The following CRISPLD2 variants were observed in gnomAD, a reference collection of about 807,000 sequenced individuals.
CRISPLD2 encodes cysteine-rich secretory protein LCCL domain-containing 2.
A neutral mutation model predicts 71.1 loss-of-function variants in CRISPLD2; 47 were observed. That is an observed-to-expected ratio of 0.66 (90% CI 0.52 to 0.84). The LOEUF is 0.84. Among genes scored for constraint, CRISPLD2 ranks in the 40% least tolerant of loss-of-function variants. The probability of loss-of-function intolerance (pLI) is 0.00; values close to 1 mark genes in which losing one functional copy is unlikely to be tolerated. For synonymous variants in CRISPLD2, 317 were observed against 250.1 expected (o/e 1.27, Z -2.52); for missense variants, 830 against 651.1 (o/e 1.27, Z -2.99).
At chr16:84,866,861 G>C in intron 6 of CRISPLD2, 36 bp from the exon 7 acceptor site, 1 of 1,596,968 alleles carries the variant, frequency 6.3e-7, no homozygotes, top group Non-Finnish European at 8.6e-7. Context: ...TTGAATCCCA[G>C]TGTGTTATTT....
intron 14 of CRISPLD2, among the ~76,000 whole-genome samples, chr16:84,894,491 C>T (rs954150773): frequency 6.6e-6 from 1 of 152,142 alleles, no homozygotes; most frequent in Non-Finnish European, 1.5e-5. Flanking sequence ...TGGGCAGCCC[C>T]TGCGCTAGGG....
At chr16:84,844,524 G>A (rs537691804) in intron 2 of CRISPLD2, among the ~76,000 whole-genome samples, 39 of 151,166 alleles carry the variant, frequency 2.6e-4, no homozygotes, top group East Asian at 1.7e-3. Context: ...GTCCAGGCCC[G>A]GCTAATTTTT....
chr16:84,899,055 G>C (rs1300902264), intron 14 of CRISPLD2, among the ~76,000 whole-genome samples: 1 of 152,046 alleles, frequency 6.6e-6, no homozygotes, highest in Non-Finnish European at 1.5e-5. Context: ...ACCACATCTG[G>C]CTAATTTTTT....
intron 2 of CRISPLD2, among the ~76,000 whole-genome samples, chr16:84,841,566 T>C (rs1325449151): frequency 6.6e-6 from 1 of 151,956 alleles, no homozygotes; most frequent in African/African-American, 2.4e-5. Context: ...AACAGGGTTT[T>C]TTTGCGGGAG....
intron 12 of CRISPLD2, among the ~76,000 whole-genome samples, chr16:84,877,789 G>T (rs1160521417): frequency 2.0e-5 from 3 of 152,178 alleles, no homozygotes; most frequent in Non-Finnish European, 4.4e-5. Context: ...GGCGGAGGTT[G>T]CAGTGAGCTG....
At chr16:84,853,873 C>G (rs552952665) in intron 5 of CRISPLD2, among the ~76,000 whole-genome samples, 4 of 152,326 alleles carry the variant, frequency 2.6e-5, no homozygotes, top group African/African-American at 7.2e-5. Flanking sequence ...GGAGGCTGGC[C>G]GAGGGCACAT....
At chr16:84,894,572 A>G (rs1247543120) in intron 14 of CRISPLD2, among the ~76,000 whole-genome samples, 1 of 152,220 alleles carries the variant, frequency 6.6e-6, no homozygotes, top group Non-Finnish European at 1.5e-5. Context: ...TGCTGTGGCA[A>G]GTGCAGCAGA....
At chr16:84,899,396 G>A (rs1287555076) in intron 14 of CRISPLD2, among the ~76,000 whole-genome samples, 1 of 152,278 alleles carries the variant, frequency 6.6e-6, no homozygotes, top group East Asian at 1.9e-4. Context: ...GGCGGGAAGG[G>A]TATTTTATAA....
At chr16:84,877,016 C>A (rs112646091) in intron 11 of CRISPLD2, among the ~76,000 whole-genome samples, 8,052 of 152,162 alleles carry the variant, frequency 0.053, 713 homozygotes, top group African/African-American at 0.18. Context: ...CTAGAGCAGG[C>A]ACTGGAAAGC....
At position 84,876,169 on chromosome 16, in the gene CRISPLD2, C is replaced by G. The variant is rs116004693; in HGVS notation, c.1157-1269C>G. 8.9e-3 allele frequency among the ~76,000 whole-genome samples: 1,362 copies of G among 152,292 alleles called. 18 individuals are homozygous for G. Among genetic ancestry groups the G allele is most frequent in the African/African-American group, 0.031 (1,286 of 41,548 alleles). On this transcript the variant is annotated intron_variant, in intron 11 of 14. Coordinates refer to ENST00000262424, the MANE Select transcript of CRISPLD2 (RefSeq NM_031476.4). ...TTAATCTTGACATCAAACATAAGGA[C>G]CACAAAGCCAAACATGTTTGCTCTA...
At chr16:84,840,015 T>A (rs1462203052) in intron 2 of CRISPLD2, 1 of 122,304 alleles carries the variant, frequency 8.2e-6, no homozygotes, top group East Asian at 2.0e-4. Context: ...CAAGACCCTG[T>A]CTCAAAAAAA....
chr16:84,825,646 C>G (rs1206019716), intron 1 of CRISPLD2, among the ~76,000 whole-genome samples: 2 of 152,024 alleles, frequency 1.3e-5, no homozygotes, highest in African/African-American at 4.8e-5. Context: ...ATCCCAGCTA[C>G]TTGGGAGGCT....
intron 6 of CRISPLD2, among the ~76,000 whole-genome samples, chr16:84,860,952 C>G (rs1287417621): frequency 6.6e-6 from 1 of 152,176 alleles, no homozygotes; most frequent in Non-Finnish European, 1.5e-5. Flanking sequence ...TCATCATTTT[C>G]TTTCATCACT....
chr16:84,862,758 G>A (rs181175067), intron 6 of CRISPLD2, among the ~76,000 whole-genome samples: 18 of 146,436 alleles, frequency 1.2e-4, no homozygotes, highest in African/African-American at 3.3e-4. Context: ...GGTGGGCTCC[G>A]CTGGCAGGGA....
In CRISPLD2 at chr16:84,853,427, G is replaced by A. The variant is rs527762916; in HGVS notation, c.609-1302G>A. On this transcript the variant is annotated intron_variant, in intron 5 of 14. Transcript: ENST00000262424. The stretch of plus-strand genomic sequence containing the variant: ...GCACGGACGCGATCATTCTGCCTCC[G>A]GAATGTGAGAGGGTGGAAGAGGCTG... Among the ~76,000 whole-genome samples, 27 of 152,298 alleles carry A rather than the reference G, an allele frequency of 1.8e-4. 1 individual carries two copies. Among genetic ancestry groups the A allele is most frequent in the Admixed American group, 1.1e-3 (17 of 15,304 alleles).
intron 11 of CRISPLD2, among the ~76,000 whole-genome samples, chr16:84,875,417 T>C (rs1371201745): frequency 7.3e-6 from 1 of 136,712 alleles, no homozygotes; most frequent in Non-Finnish European, 1.7e-5. Context: ...GCATGGACTT[T>C]TTTTTTTTTT....
chr16:84,838,415 C>T lies in CRISPLD2; in HGVS notation c.-74-7C>T. ...GACTTCTCCCACCACCCTCTGCTTC[C>T]TTTCAGAGCTCAAGCGCCCAGCTCT... On this transcript the variant is annotated splice_region_variant and splice_polypyrimidine_tract_variant and intron_variant, in intron 1 of 14. Coordinates refer to ENST00000262424, the MANE Select transcript of CRISPLD2 (RefSeq NM_031476.4). 2 of 1,538,176 alleles carry T rather than the reference C, an allele frequency of 1.3e-6. No homozygotes were observed. Among genetic ancestry groups the T allele is most frequent in the Non-Finnish European group, 1.8e-6 (2 of 1,139,304 alleles).
Position 84,873,936 on chromosome 16 carries a change from A to G in CRISPLD2, c.1129A>G (p.Ser377Gly), listed in dbSNP as rs759169076. Reference protein sequence around the residue: ...VQSLSKYKPSSSFMVSKVKVQ... With the variant: ...VQSLSKYKPSGSFMVSKVKVQ... ...TTTAAACAGCAAATACAAACCTTCC[A>G]GCTCATTCATGGTGTCAAAAGTGAA... Residue 377 changes from serine (S) to glycine (G), a missense_variant, in exon 11 of 15, where the codon AGC becomes GGC. Coordinates refer to ENST00000262424, the MANE Select transcript of CRISPLD2 (RefSeq NM_031476.4). 3.0e-5 allele frequency: 48 copies of G among 1,590,634 alleles called. No homozygotes were observed. Among genetic ancestry groups the G allele is most frequent in the Non-Finnish European group, 3.8e-5 (44 of 1,170,438 alleles).
In CRISPLD2 at chr16:84,852,702, G is replaced by A. The variant is rs536980544; in HGVS notation, c.608+2019G>A. On this transcript the variant is annotated intron_variant, in intron 5 of 14. Coordinates refer to ENST00000262424, the MANE Select transcript of CRISPLD2 (RefSeq NM_031476.4). ...ATCCCTTGAGGGGGATTCCCAACCCGACAAGGGGTGGGGTGGGTGTGTACA... is the reference window on the plus strand; with the variant it reads ...ATCCCTTGAGGGGGATTCCCAACCCAACAAGGGGTGGGGTGGGTGTGTACA... Among the ~76,000 whole-genome samples the A allele has an allele frequency of 3.3e-5, 5 of 152,070 alleles. No individual in the cohort carries two copies. The South Asian group carries it at 1.0e-3, about 32-fold the overall frequency.
Sources: gnomAD v4.1 joint callset for allele counts (sites outside exome capture counted in the v4.1 genomes callset) on GRCh38, gnomAD v4.1.1 for gene constraint, MANE v1.5 for transcripts, NCBI Gene and HGNC (gene_info 2026-07-23, HGNC 2026-07-21) for gene names.